STXBP5L: variants seen among roughly 807,000 people sequenced by gnomAD.
STXBP5L encodes syntaxin binding protein 5L, also known as syntaxin-binding protein 5-like.
In STXBP5L, 65 loss-of-function variants were observed where a neutral mutation model predicts 144.5. The observed-to-expected ratio is 0.45, with a 90% CI of 0.37 to 0.55. The LOEUF (loss-of-function observed/expected upper bound fraction) is 0.55, where lower values mean the gene tolerates loss of function less well. STXBP5L is among the 20% of genes least tolerant of loss of function. STXBP5L has a pLI of 0.00. For missense variants in STXBP5L, 1,298 were observed against 1,405.5 expected (o/e 0.92, Z 1.22); for synonymous variants, 505 against 469.6 (o/e 1.08, Z -0.97).
intron 3 of STXBP5L, among the ~76,000 whole-genome samples, chr3:120,989,544 C>T (rs928261925): frequency 8.5e-5 from 13 of 152,062 alleles, no homozygotes; most frequent in South Asian, 4.1e-4. Flanking sequence ...CTTAACCTGT[C>T]GGATGCATAG....
In STXBP5L at chr3:121,253,788, G is replaced by T. The variant is rs1240217880; in HGVS notation, c.1442-1107G>T. Among the ~76,000 whole-genome samples, 5 of 142,290 alleles carry T rather than the reference G, an allele frequency of 3.5e-5. No individual in the cohort carries two copies. The East Asian group carries it at 1.0e-3, about 28-fold the overall frequency. 93.3% of individuals were successfully genotyped at this position (142,290 alleles called of 152,430 possible). On this transcript the variant is annotated intron_variant, in intron 15 of 26. Coordinates refer to ENST00000471454, the MANE Select transcript of STXBP5L (RefSeq NM_001308330.2). Reference sequence around the variant, plus strand: ...TGGGACCACAGGCGCCCGCCACCACGCCCCGCTAATTTTTTTTTTTTCTTT... The same window carrying T: ...TGGGACCACAGGCGCCCGCCACCACTCCCCGCTAATTTTTTTTTTTTCTTT...
At chr3:121,007,540 A>G (rs927276285) in intron 3 of STXBP5L, among the ~76,000 whole-genome samples, 2 of 152,086 alleles carry the variant, frequency 1.3e-5, no homozygotes, top group Admixed American at 1.3e-4. Context: ...GTTTTAAACT[A>G]GAAATTAAAA....
chr3:121,315,935 G>A lies in STXBP5L; in HGVS notation c.2111-2540G>A, dbSNP rs149276587. Among the ~76,000 whole-genome samples the A allele has an allele frequency of 1.9e-3, 295 of 151,780 alleles. 2 individuals carry two copies. The highest frequency in any genetic ancestry group is 6.8e-3 in the Middle Eastern group (2 of 294). ...GAGAACTGATTGAGACCCAGGAGGC[G>A]GAGGTTGCAGTGAGCCGAGATTGCA... On this transcript the variant is annotated intron_variant, in intron 19 of 26. Transcript: ENST00000471454.
intron 2 of STXBP5L, 61 bp downstream of exon 2, chr3:120,909,828 G>A (rs1322604785): frequency 9.4e-6 from 14 of 1,486,724 alleles, no homozygotes; most frequent in Non-Finnish European, 1.3e-5. Flanking sequence ...AAGGAAACAA[G>A]GGGGGAAAAA....
intron 5 of STXBP5L, among the ~76,000 whole-genome samples, chr3:121,071,212 C>A (rs2041798416): frequency 6.6e-6 from 1 of 152,198 alleles, no homozygotes; most frequent in Non-Finnish European, 1.5e-5. Flanking sequence ...AGGCAACAAG[C>A]TTGGCAGCAT....
intron 7 of STXBP5L, among the ~76,000 whole-genome samples, chr3:121,133,974 A>G (rs919447359): frequency 2.0e-5 from 3 of 152,180 alleles, no homozygotes; most frequent in Non-Finnish European, 4.4e-5. Flanking sequence ...ACCTTGACAC[A>G]TGGTGATTAC....
chr3:121,090,331 G>A (rs1052495767), intron 5 of STXBP5L, among the ~76,000 whole-genome samples: 6 of 152,050 alleles, frequency 3.9e-5, no homozygotes, highest in African/African-American at 1.4e-4. Flanking sequence ...GTAGCTGCTG[G>A]GTGGGGTGGG....
At chr3:121,396,892 G>A (rs758704004) in intron 22 of STXBP5L, among the ~76,000 whole-genome samples, 18 of 152,172 alleles carry the variant, frequency 1.2e-4, no homozygotes, top group Admixed American at 2.0e-4. Flanking sequence ...TAAAGTCATC[G>A]GTTGTTCATC....
At chr3:120,932,761 G>A (rs983457010) in intron 2 of STXBP5L, among the ~76,000 whole-genome samples, 8 of 151,848 alleles carry the variant, frequency 5.3e-5, no homozygotes, top group Non-Finnish European at 1.0e-4. Context: ...TGTTTATTGC[G>A]GCACTATTCA....
At chr3:121,126,131 C>CT (rs979347373) in intron 7 of STXBP5L, among the ~76,000 whole-genome samples, 17 of 152,202 alleles carry the variant, frequency 1.1e-4, no homozygotes, top group African/African-American at 3.6e-4. Flanking sequence ...CTGCCTCAAG[C>CT]TTTTTTTGTA....
At chr3:121,123,709 C>G (rs933551730) in intron 7 of STXBP5L, among the ~76,000 whole-genome samples, 6 of 151,626 alleles carry the variant, frequency 4.0e-5, no homozygotes, top group African/African-American at 1.4e-4. Flanking sequence ...TGTTTAATTA[C>G]AAATTAAAAG....
chr3:121,042,281 G>A, intron 4 of STXBP5L, among the ~76,000 whole-genome samples: 1 of 152,074 alleles, frequency 6.6e-6, no homozygotes, highest in East Asian at 1.9e-4. Flanking sequence ...ATGGAAATTA[G>A]CTTTCTACTG....
At chr3:120,974,278 T>C (rs1359918650) in intron 3 of STXBP5L, among the ~76,000 whole-genome samples, 2 of 152,180 alleles carry the variant, frequency 1.3e-5, no homozygotes, top group African/African-American at 4.8e-5. Context: ...TGATTTGCAT[T>C]TCTCTGATGG....
chr3:121,070,403 A>G (rs1221406594), intron 5 of STXBP5L, among the ~76,000 whole-genome samples: 1 of 152,218 alleles, frequency 6.6e-6, no homozygotes, highest in Non-Finnish European at 1.5e-5. Context: ...GTCCACAGAG[A>G]GAAGACAGGC....
chr3:121,227,930 T>C (rs1251687991), intron 11 of STXBP5L, among the ~76,000 whole-genome samples: 1 of 152,174 alleles, frequency 6.6e-6, no homozygotes, highest in Non-Finnish European at 1.5e-5. Context: ...TTAATATCTG[T>C]ACAAGATGAG....
chr3:121,068,371 T>C (rs2041647725), intron 5 of STXBP5L, among the ~76,000 whole-genome samples: 1 of 152,256 alleles, frequency 6.6e-6, no homozygotes, highest in African/African-American at 2.4e-5. Context: ...GCTAGGTTTT[T>C]ATCTGCCATA....
At chr3:121,319,490 C>T (rs1360099908) in intron 20 of STXBP5L, among the ~76,000 whole-genome samples, 1 of 151,962 alleles carries the variant, frequency 6.6e-6, no homozygotes, top group Admixed American at 6.6e-5. Context: ...CTAGTTATAT[C>T]CTATGTAAAT....
intron 5 of STXBP5L, among the ~76,000 whole-genome samples, chr3:121,105,038 A>G (rs187480650): frequency 8.5e-4 from 129 of 152,268 alleles, no homozygotes; most frequent in Middle Eastern, 3.4e-3. Flanking sequence ...ATCAGCAAGA[A>G]AAAAAATAAA....
chr3:121,083,425 G>A (rs2042342246), intron 5 of STXBP5L, among the ~76,000 whole-genome samples: 2 of 152,094 alleles, frequency 1.3e-5, no homozygotes, highest in Admixed American at 1.3e-4. Flanking sequence ...ACTTTGGGAG[G>A]CTGAGGTGGG....
Sources: allele counts gnomAD v4.1 joint callset (sites outside exome capture counted in the v4.1 genomes callset), GRCh38; gene constraint gnomAD v4.1.1; transcripts MANE v1.5; gene names NCBI Gene and HGNC (gene_info 2026-07-23, HGNC 2026-07-21).